The following DMD variants were observed in gnomAD, a reference collection of about 807,000 sequenced individuals.
DMD encodes the protein dystrophin, also known as mutant dystrophin.
Under a neutral mutation model 330.1 loss-of-function variants are expected in DMD, and 63 were observed. That is an observed-to-expected ratio of 0.19 (90% CI 0.16 to 0.24). DMD has a LOEUF of 0.24. Among genes scored for constraint, DMD ranks in the 10% least tolerant of loss-of-function variants. The pLI is 1.00. For missense variants in DMD, 3,344 were observed against 2,684.1 expected, an observed-to-expected ratio of 1.25 and a Z score of -5.43; for synonymous variants, 1,223 against 959.8, an observed-to-expected ratio of 1.27 and a Z score of -5.07.
intron 1 of DMD, among the ~76,000 whole-genome samples, chrX:33,145,345 A>G (rs185564147): frequency 8.7e-4 from 98 of 112,149 alleles, no homozygotes; most frequent in African/African-American, 2.9e-3. Context: ...CCTCTTCAGC[A>G]AAGATTCTCT....
At chrX:31,483,040 C>CTTTTTTTTT (rs375059694) in intron 57 of DMD, among the ~76,000 whole-genome samples, 1 of 70,764 alleles carries the variant, frequency 1.4e-5, no homozygotes, top group Non-Finnish European at 2.7e-5. Context: ...GGAAATGGAT[C>CTTTTTTTTT]TTTTTTTTTT....
intron 17 of DMD, among the ~76,000 whole-genome samples, chrX:32,525,584 A>G (rs1223982616): frequency 9.0e-6 from 1 of 111,533 alleles, no homozygotes; most frequent in Non-Finnish European, 1.9e-5. Flanking sequence ...ATTCCTTATC[A>G]ATTTAGCAAC....
chrX:32,013,093 C>CTATTTTTTTTTTTTT (rs1557064304), intron 44 of DMD, among the ~76,000 whole-genome samples: 11 of 61,158 alleles, frequency 1.8e-4, no homozygotes, highest in African/African-American at 8.1e-4. Context: ...CTTTTCTTTC[C>CTATTTTTTTTTTTTT]TTTTTTTTTT....
In DMD at chrX:32,365,135, G is replaced by T. The variant is rs1285159164; in HGVS notation, c.4910C>A (p.Ala1637Asp). Residue 1637 changes from alanine to aspartate, a missense_variant, in exon 35 of 79, where the codon GCC becomes GAC. Coordinates refer to ENST00000357033, the MANE Select transcript of DMD (RefSeq NM_004006.3). ...CTTCTTGCCCAAAACTGTTTTCAAGGCCTCTCCTACCTCTGTGATACTCTT... is the reference window on the plus strand; with the variant it reads ...CTTCTTGCCCAAAACTGTTTTCAAGTCCTCTCCTACCTCTGTGATACTCTT... ...HLKSITEVGE[A>D]LKTVLGKKET... The T allele has an allele frequency of 2.5e-6, 3 of 1,210,282 alleles. No individual in the cohort carries two copies. The highest frequency in any genetic ancestry group is 2.2e-5 in the Admixed American group (1 of 45,858).
chrX:31,484,361 G>A (rs1018390446), intron 57 of DMD, among the ~76,000 whole-genome samples: 16 of 111,700 alleles, frequency 1.4e-4, no homozygotes, highest in African/African-American at 2.9e-4. Flanking sequence ...TACAGAATAC[G>A]TATTTACAAT....
At chrX:32,414,486 A>G (rs1384535734) in intron 29 of DMD, among the ~76,000 whole-genome samples, 3 of 111,795 alleles carry the variant, frequency 2.7e-5, no homozygotes, top group East Asian at 2.8e-4. Context: ...AACATATTTA[A>G]TCTCCCATTA....
chrX:33,282,394 G>A (rs1368638274), intron 1 of DMD, among the ~76,000 whole-genome samples: 2 of 111,211 alleles, frequency 1.8e-5, no homozygotes, highest in Non-Finnish European at 3.8e-5. Flanking sequence ...CCCTGTGGCT[G>A]CCCCAGTATC....
intron 55 of DMD, among the ~76,000 whole-genome samples, chrX:31,530,820 C>T (rs1362870465): frequency 2.6e-5 from 1 of 38,580 alleles, no homozygotes; most frequent in East Asian, 1.0e-3. Flanking sequence ...TGCTATCCCT[C>T]CCCCCTCCCC....
At chrX:31,345,908 T>C (rs2058054845) in intron 61 of DMD, among the ~76,000 whole-genome samples, 1 of 111,719 alleles carries the variant, frequency 9.0e-6, no homozygotes, top group Non-Finnish European at 1.9e-5. Flanking sequence ...TAATCTATTA[T>C]CGATGTATGA....
rs57784155 is a variant in DMD at position 31,139,474 on chromosome X, T to TACACACAC, written c.10922-5288_10922-5281dup. ...ATGCAGTATGTACGTGGTGTTTATA[T>TACACACAC]ACACACACACACACACACACACACA... On this transcript the variant is annotated intron_variant, in intron 76 of 78. Transcript: ENST00000357033. Among the ~76,000 whole-genome samples the TACACACAC allele has an allele frequency of 7.4e-3, 728 of 98,580 alleles. 10 individuals are homozygous for TACACACAC. Among genetic ancestry groups the TACACACAC allele is most frequent in the African/African-American group, 0.026 (682 of 26,656 alleles). 85.6% of individuals were successfully genotyped at this position (98,580 alleles called of 115,157 possible).
At chrX:32,163,629 A>G (rs779289025) in intron 44 of DMD, among the ~76,000 whole-genome samples, 1 of 112,028 alleles carries the variant, frequency 8.9e-6, no homozygotes, top group Non-Finnish European at 1.9e-5. Context: ...GCATAGAATG[A>G]CAGACACAGA....
At chrX:31,317,315 C>T (rs1046632263) in intron 62 of DMD, among the ~76,000 whole-genome samples, 1 of 110,791 alleles carries the variant, frequency 9.0e-6, no homozygotes, top group Non-Finnish European at 1.9e-5. Context: ...GTTGTCTTAG[C>T]TGCTAAAAGG....
At chrX:32,428,019 C>T (rs779850977) in intron 29 of DMD, among the ~76,000 whole-genome samples, 56 of 111,212 alleles carry the variant, frequency 5.0e-4, no homozygotes, top group Middle Eastern at 4.8e-3. Flanking sequence ...CTAATTAAAA[C>T]ATGAATATGG....
At chrX:32,504,421 C>A (rs745707555) in intron 18 of DMD, among the ~76,000 whole-genome samples, 31 of 110,562 alleles carry the variant, frequency 2.8e-4, no homozygotes, top group Non-Finnish European at 5.1e-4. Flanking sequence ...GTCGGGAGTT[C>A]GAGACCAGCC....
chrX:32,546,843 G>A (rs2049012806), intron 16 of DMD, among the ~76,000 whole-genome samples: 1 of 111,290 alleles, frequency 9.0e-6, no homozygotes, highest in Admixed American at 9.6e-5. Flanking sequence ...AAGCAACATA[G>A]CTCTAAAAAA....
chrX:32,936,063 A>C (rs973511691), intron 2 of DMD, among the ~76,000 whole-genome samples: 9 of 111,462 alleles, frequency 8.1e-5, no homozygotes, highest in South Asian at 3.8e-4. Context: ...CACACACACA[A>C]AAAAAACTGT....
At chrX:32,296,047 TAGCAA>T (rs1185264160) in intron 42 of DMD, among the ~76,000 whole-genome samples, 19 of 112,387 alleles carry the variant, frequency 1.7e-4, no homozygotes, top group African/African-American at 5.8e-4. Flanking sequence ...TTTGTACCTA[TAGCAA>T]AGCTCGTTGC....
intron 44 of DMD, among the ~76,000 whole-genome samples, chrX:32,087,143 T>C (rs915282487): frequency 7.2e-5 from 8 of 111,764 alleles, no homozygotes; most frequent in Non-Finnish European, 1.1e-4. Context: ...TTTTCGAGCA[T>C]GAAAAAATTA....
At chrX:33,010,234 A>ACATATGTGTGTGTATG (rs1569549291) in intron 2 of DMD, among the ~76,000 whole-genome samples, 2 of 96,781 alleles carry the variant, frequency 2.1e-5, no homozygotes, top group Admixed American at 1.1e-4. Flanking sequence ...GTGTGTATAT[A>ACATATGTGTGTGTATG]TGTACATATG....
Sources: allele counts gnomAD v4.1 joint callset (sites outside exome capture counted in the v4.1 genomes callset), GRCh38; gene constraint gnomAD v4.1.1; transcripts MANE v1.5; gene names NCBI Gene and HGNC (gene_info 2026-07-23, HGNC 2026-07-21).